Variants in OTOP1 observed in about 807,000 individuals in gnomAD.
The protein encoded by OTOP1 is proton channel OTOP1.
In OTOP1, 59 loss-of-function variants were observed where a neutral mutation model predicts 52.9. The observed-to-expected ratio is 1.12, with a 90% CI of 0.91 to 1.39. The LOEUF is 1.39. Among genes scored for constraint, OTOP1 ranks in the 40% most tolerant of loss-of-function variants. The pLI, the probability that OTOP1 is intolerant of heterozygous loss-of-function variation, is 0.00. For synonymous variants in OTOP1, 317 were observed against 337.7 expected (o/e 0.94, Z 0.67); for missense variants, 761 against 800.9 (o/e 0.95, Z 0.60).
chr4:4,206,391 G>A (rs1444357226), intron 2 of OTOP1, among the ~76,000 whole-genome samples: 1 of 152,186 alleles, frequency 6.6e-6, no homozygotes, highest in Non-Finnish European at 1.5e-5. Context: ...TGTGATATGG[G>A]GGTGATTGAT....
chr4:4,211,907 G>T (rs533582587), intron 2 of OTOP1, among the ~76,000 whole-genome samples: 1 of 152,266 alleles, frequency 6.6e-6, no homozygotes, highest in East Asian at 1.9e-4. Context: ...AATGGACAAC[G>T]TGAAGACTAT....
chr4:4,216,975 C>T (rs531924515), intron 1 of OTOP1, among the ~76,000 whole-genome samples: 4 of 152,298 alleles, frequency 2.6e-5, no homozygotes, highest in South Asian at 4.1e-4. Context: ...CAGGTGTGGA[C>T]GGGGCCCCAA....
At chr4:4,192,645 C>T (rs1359926358) in intron 5 of OTOP1, among the ~76,000 whole-genome samples, 2 of 152,144 alleles carry the variant, frequency 1.3e-5, no homozygotes, top group African/African-American at 2.4e-5. Context: ...GCCCCTCCTC[C>T]AGGGTCCTCC....
chr4:4,212,294 C>A (rs1478439144), intron 2 of OTOP1, among the ~76,000 whole-genome samples: 1 of 152,124 alleles, frequency 6.6e-6, no homozygotes, highest in Non-Finnish European at 1.5e-5. Flanking sequence ...TGAGCCACAC[C>A]AAGTTTACCA....
intron 2 of OTOP1, among the ~76,000 whole-genome samples, 161 bp from the exon 3 acceptor site, chr4:4,206,291 G>A (rs1429492597): frequency 6.6e-6 from 1 of 152,170 alleles, no homozygotes; most frequent in Non-Finnish European, 1.5e-5. Flanking sequence ...CCTCAATGGG[G>A]ACAATGATCC....
rs1375088944 is a variant in OTOP1, at chr4:4,226,793, C to T, written c.72G>A (p.Gly24=). Residue 24 remains glycine (G), a synonymous_variant, in exon 1 of 6, where the codon GGG becomes GGA. Coordinates refer to ENST00000296358, the MANE Select transcript of OTOP1 (RefSeq NM_177998.3). The part of the protein sequence containing the change: ...AASASVAGSS[G]PAACSPPSSS... ...ACGAGGGAGGCGAGCAGGCCGCTGG[C>T]CCCGACGACCCTGCGACCGAGGCGC... 2 of 1,370,522 alleles carry T rather than the reference C, an allele frequency of 1.5e-6. No individual in the cohort carries two copies. Among genetic ancestry groups the T allele is most frequent in the South Asian group, 1.7e-5 (1 of 58,954 alleles). The allele number at this position is 1,370,522 out of a possible 1,614,324, so 84.9% of individuals were successfully genotyped here. A position where few individuals can be genotyped will look rare whatever the true frequency, so the allele number is the denominator to read the frequency against.
chr4:4,224,075 A>G (rs528170637), intron 1 of OTOP1, among the ~76,000 whole-genome samples: 38 of 150,352 alleles, frequency 2.5e-4, no homozygotes, highest in African/African-American at 8.8e-4. Context: ...GAGGCCAGGC[A>G]TGGTGGCTCA....
chr4:4,208,836 G>T (rs368626825), intron 2 of OTOP1, among the ~76,000 whole-genome samples: 3 of 152,142 alleles, frequency 2.0e-5, no homozygotes, highest in African/African-American at 7.2e-5. Context: ...GATTTACTTG[G>T]AAATAGAAAT....
At chr4:4,190,145 C>A (rs931497615) in intron 5 of OTOP1, among the ~76,000 whole-genome samples, 1 of 152,152 alleles carries the variant, frequency 6.6e-6, no homozygotes, top group African/African-American at 2.4e-5. Context: ...CAGGGACCTG[C>A]GGCTGTGGAT....
intron 4 of OTOP1, among the ~76,000 whole-genome samples, chr4:4,199,358 C>G (rs1181143302): frequency 6.6e-6 from 1 of 151,578 alleles, no homozygotes; most frequent in Non-Finnish European, 1.5e-5. Context: ...ACAGCCACTG[C>G]ACATTATAAT....
rs1037309448 is a variant in OTOP1, at chr4:4,226,445, C to T, written c.403+17G>A. The stretch of plus-strand genomic sequence containing the variant: ...GGCGAGGAGGCGGAGACCCGCTCGC[C>T]CGGCGCCTGGACTCACCGCGCAGCC... On this transcript the variant is annotated intron_variant, in intron 1 of 5. Transcript: ENST00000296358. The T allele has an allele frequency of 2.8e-6, 4 of 1,415,894 alleles. No individual in the cohort carries two copies. Among genetic ancestry groups the T allele is most frequent in the Non-Finnish European group, 2.8e-6 (3 of 1,090,068 alleles). 87.7% of individuals were successfully genotyped at this position (1,415,894 alleles called of 1,614,324 possible). A position where few individuals can be genotyped will look rare whatever the true frequency, so the allele number is the denominator to read the frequency against.
chr4:4,223,445 GAT>G (rs1295911034), intron 1 of OTOP1, among the ~76,000 whole-genome samples: 72 of 140,536 alleles, frequency 5.1e-4, no homozygotes, highest in African/African-American at 1.8e-3. Context: ...ATGGATGGAT[GAT>G]GAATAAGTGA....
chr4:4,208,827 A>G (rs746646594), intron 2 of OTOP1, among the ~76,000 whole-genome samples: 3 of 152,046 alleles, frequency 2.0e-5, no homozygotes, highest in Non-Finnish European at 4.4e-5. Flanking sequence ...AATATGTTGG[A>G]TTTACTTGGA....
chr4:4,198,205 T>C, intron 4 of OTOP1, 102 bp from the exon 5 acceptor site: 1 of 927,556 alleles, frequency 1.1e-6, no homozygotes, highest in Non-Finnish European at 1.6e-6. Context: ...GGCTTGGGTC[T>C]TCCCACTGGA....
In OTOP1 at chr4:4,226,872, A is replaced by G. The variant is rs1015131188; in HGVS notation, c.-8T>C. 4 of 1,319,058 alleles carry G rather than the reference A, an allele frequency of 3.0e-6. No homozygotes were observed. The African/African-American group carries it at 6.2e-5, about 20-fold the overall frequency. The allele number at this position is 1,319,058 out of a possible 1,614,324, so 81.7% of individuals were successfully genotyped here. On this transcript the variant is annotated 5_prime_UTR_variant, in exon 1 of 6. Coordinates refer to ENST00000296358, the MANE Select transcript of OTOP1 (RefSeq NM_177998.3). ...CCCCAGGCCCTCGAGCATCTTCGAG[A>G]CACCCGCGCCAAGTCTGGTCCCGGG...
chr4:4,211,803 A>C (rs1717032170), intron 2 of OTOP1, among the ~76,000 whole-genome samples: 1 of 152,116 alleles, frequency 6.6e-6, no homozygotes, highest in Admixed American at 6.6e-5. Context: ...AAATAACCTA[A>C]AGAGTAGAAT....
At position 4,197,173 on chromosome 4, in the gene OTOP1, T is replaced by C. The variant is rs149081954; in HGVS notation, c.1661A>G (p.Asn554Ser). 6.9e-6 allele frequency: 11 copies of C among 1,601,786 alleles called. No homozygotes were observed. Among genetic ancestry groups the C allele is most frequent in the African/African-American group, 6.7e-5 (5 of 74,476 alleles). Residue 554 changes from asparagine (N) to serine (S), a missense_variant, in exon 5 of 6, where the codon AAT becomes AGT. Around this residue, in one of 3 missense-constraint regions of OTOP1, gnomAD observed 632 missense variants for 619.5 expected, o/e 1.02. Transcript: ENST00000296358. ...RNIAAFLFLC[N>S]ISLWIPPAFG... ...TAACTTGGTGCAGATTACCGAAATA[T>C]TGCAGAGGAACAAGAAGGCTGCAAT...
rs181513335 is a variant in OTOP1 at position 4,218,221 on chromosome 4, G to A, written c.404-5217C>T. Among the ~76,000 whole-genome samples the A allele has an allele frequency of 9.8e-4, 149 of 151,944 alleles. 1 individual carries two copies. Among genetic ancestry groups the A allele is most frequent in the African/African-American group, 3.4e-3 (140 of 41,430 alleles). ...AGCCTGGCCAACATGGTGAAACCCC[G>A]TCTTTACTAAAAATACAAAAATTAG... On this transcript the variant is annotated intron_variant, in intron 1 of 5. Coordinates refer to ENST00000296358, the MANE Select transcript of OTOP1 (RefSeq NM_177998.3).
intron 2 of OTOP1, among the ~76,000 whole-genome samples, chr4:4,207,342 CT>C (rs1253943098): frequency 1.3e-5 from 2 of 152,092 alleles, no homozygotes; most frequent in Admixed American, 6.6e-5. Flanking sequence ...ACATTGAAAA[CT>C]TTTTTTAGTG....
Sources: allele counts gnomAD v4.1 joint callset (sites outside exome capture counted in the v4.1 genomes callset), GRCh38; gene constraint gnomAD v4.1.1; regional missense constraint gnomAD v4.1.1; transcripts MANE v1.5; gene names NCBI Gene and HGNC (gene_info 2026-07-23, HGNC 2026-07-21).